Variants in GPHN observed in about 807,000 individuals in gnomAD.
GPHN encodes the protein gephyrin.
A neutral mutation model predicts 95.5 loss-of-function variants in GPHN; 17 were observed. The ratio of observed to expected loss-of-function variants is 0.18; its 90% confidence interval spans 0.12 to 0.27. The LOEUF (loss-of-function observed/expected upper bound fraction) is 0.27. Among genes scored for constraint, GPHN ranks in the 10% least tolerant of loss-of-function variants. The pLI is 1.00. For missense variants in GPHN, 660 were observed against 978.1 expected (o/e 0.67, Z 4.34); for synonymous variants, 320 against 322.5 (o/e 0.99, Z 0.08).
chr14:66,997,777 T>A (rs1224499097), intron 9 of GPHN, among the ~76,000 whole-genome samples: 1 of 152,156 alleles, frequency 6.6e-6, no homozygotes, highest in East Asian at 1.9e-4. Context: ...TTAAAACTGA[T>A]TTCCTGGGGA....
chr14:67,648,893 G>A, the GPHN span: 1 of 152,214 alleles, frequency 6.6e-6, no homozygotes, highest in Non-Finnish European at 1.5e-5. Flanking sequence ...GATGGAACTA[G>A]GGTATAGATA....
chr14:67,115,107 C>G (rs555610760), intron 16 of GPHN, among the ~76,000 whole-genome samples: 2 of 152,114 alleles, frequency 1.3e-5, no homozygotes, highest in Admixed American at 6.6e-5. Flanking sequence ...ATCTCTGGTT[C>G]CATATAGCTC....
intron 3 of GPHN, among the ~76,000 whole-genome samples, chr14:66,819,544 G>A (rs961748380): frequency 1.3e-5 from 2 of 152,080 alleles, no homozygotes; most frequent in African/African-American, 4.8e-5. Flanking sequence ...ATATCATGCT[G>A]TTTTGGTTAC....
the GPHN span, chr14:67,586,779 T>C: frequency 7.4e-7 from 1 of 1,359,590 alleles, no homozygotes; most frequent in Non-Finnish European, 9.6e-7. Flanking sequence ...TCCAGATCCC[T>C]TTCTTAAGAA....
chr14:67,300,760 T>G, the GPHN span, among the ~76,000 whole-genome samples: 1 of 152,180 alleles, frequency 6.6e-6, no homozygotes, highest in East Asian at 1.9e-4. Context: ...TTCTCGACTG[T>G]GGGAAATTTA....
chr14:67,462,635 C>T, the GPHN span, among the ~76,000 whole-genome samples: 9,861 of 152,282 alleles, frequency 0.065, 360 homozygotes, highest in South Asian at 0.12. Context: ...TGAGCCACCA[C>T]GCCCGGCCAA....
In GPHN at chr14:66,855,901, T is replaced by C. The variant is rs78477877; in HGVS notation, c.295-24038T>C. Among the ~76,000 whole-genome samples the C allele has an allele frequency of 4.9e-3, 749 of 152,280 alleles. 6 individuals carry two copies. The highest frequency in any genetic ancestry group is 0.017 in the African/African-American group (708 of 41,568). On this transcript the variant is annotated intron_variant, in intron 4 of 22. Transcript: ENST00000478722. Reference sequence around the variant, plus strand: ...TGGAAATGTTATTCCAAGCCTGAAGTAGCCATTTGCCTAACATTAGGACAC... The same window carrying C: ...TGGAAATGTTATTCCAAGCCTGAAGCAGCCATTTGCCTAACATTAGGACAC...
At chr14:67,190,918 ACAGGTAAATGCTGT>A in the GPHN span, among the ~76,000 whole-genome samples, 1 of 152,230 alleles carries the variant, frequency 6.6e-6, no homozygotes, top group Non-Finnish European at 1.5e-5. Flanking sequence ...TTAATGAGTG[ACAGGTAAATGCTGT>A]CATTTAAGAG....
intron 3 of GPHN, among the ~76,000 whole-genome samples, chr14:66,789,012 T>C (rs1197233268): frequency 2.0e-5 from 3 of 152,250 alleles, no homozygotes; most frequent in African/African-American, 7.2e-5. Context: ...TTTCTAAACG[T>C]TGTATAACCC....
chr14:66,574,320 A>G (rs774040712), intron 1 of GPHN, among the ~76,000 whole-genome samples: 7 of 152,174 alleles, frequency 4.6e-5, no homozygotes, highest in African/African-American at 1.7e-4. Flanking sequence ...TCTGTTATTC[A>G]TGTCACAATT....
chr14:67,027,140 A>C (rs575030017), intron 10 of GPHN, among the ~76,000 whole-genome samples: 1 of 152,222 alleles, frequency 6.6e-6, no homozygotes, highest in Non-Finnish European at 1.5e-5. Context: ...TGTTATCAGG[A>C]TGATATGACA....
At chr14:67,091,462 T>A (rs537605007) in intron 12 of GPHN, among the ~76,000 whole-genome samples, 47 of 152,112 alleles carry the variant, frequency 3.1e-4, no homozygotes, top group Admixed American at 7.2e-4. Flanking sequence ...TGTGTTGATC[T>A]TACAATTTGT....
chr14:66,681,095 AT>A lies in GPHN; in HGVS notation c.65-9del. 1 of 1,501,526 alleles carries A rather than the reference AT, an allele frequency of 6.7e-7. No individual in the cohort carries two copies. The highest frequency in any genetic ancestry group is 9.2e-7 in the Non-Finnish European group (1 of 1,082,182). The allele number at this position is 1,501,526 out of a possible 1,614,324, so 93.0% of individuals were successfully genotyped here. On this transcript the variant is annotated splice_polypyrimidine_tract_variant and intron_variant, in intron 1 of 22. Transcript: ENST00000478722. ...AAATTAATTTTTTTTTCTTTTCCCC[AT>A]TTCTATTTAGTGAGTGATAGTTGCT... is the stretch of plus-strand genomic sequence containing the variant.
At chr14:66,819,207 G>A (rs964490523) in intron 3 of GPHN, among the ~76,000 whole-genome samples, 3 of 151,938 alleles carry the variant, frequency 2.0e-5, no homozygotes, top group Admixed American at 1.3e-4. Context: ...CTTCCAGGGT[G>A]TTTATAGTTT....
the GPHN span, among the ~76,000 whole-genome samples, chr14:67,193,356 A>ATATAGATATCTATCTATATAGAGC: frequency 7.5e-6 from 1 of 133,020 alleles, no homozygotes; most frequent in Non-Finnish European, 1.7e-5. Flanking sequence ...CTATATAGAG[A>ATATAGATATCTATCTATATAGAGC]TATATAATCT....
the GPHN span, among the ~76,000 whole-genome samples, chr14:67,218,328 G>A: frequency 6.6e-6 from 1 of 152,216 alleles, no homozygotes; most frequent in African/African-American, 2.4e-5. Context: ...TGGGTGCACA[G>A]CTGCTTGGGT....
At position 67,083,798 on chromosome 14, in the gene GPHN, A is replaced by G. The variant is rs148146564; in HGVS notation, c.1145-5185A>G. ...GAGGTGAGCAAGTATATACAGAAACATGACTTGGCTAGAGAGGGGGTACAG... is the reference window on the plus strand; with the variant it reads ...GAGGTGAGCAAGTATATACAGAAACGTGACTTGGCTAGAGAGGGGGTACAG... On this transcript the variant is annotated intron_variant, in intron 11 of 22. Transcript: ENST00000478722. Among the ~76,000 whole-genome samples the G allele has an allele frequency of 3.7e-3, 570 of 152,298 alleles. 2 individuals are homozygous for G. The highest frequency in any genetic ancestry group is 0.013 in the African/African-American group (531 of 41,576).
the GPHN span, among the ~76,000 whole-genome samples, chr14:67,733,040 G>T: frequency 6.6e-6 from 1 of 152,048 alleles, no homozygotes; most frequent in East Asian, 1.9e-4. Flanking sequence ...GTTCATGGGT[G>T]CAGCACACCA....
At chr14:67,012,093 C>T (rs2073049002) in intron 9 of GPHN, among the ~76,000 whole-genome samples, 1 of 152,134 alleles carries the variant, frequency 6.6e-6, no homozygotes, top group Admixed American at 6.5e-5. Context: ...ACTTCATATA[C>T]TTTGGACATG....
Sources: allele counts gnomAD v4.1 joint callset (sites outside exome capture counted in the v4.1 genomes callset), GRCh38; gene constraint gnomAD v4.1.1; transcripts MANE v1.5; gene names NCBI Gene and HGNC (gene_info 2026-07-23, HGNC 2026-07-21).